LIMCH1: variants seen among roughly 807,000 people sequenced by gnomAD.
LIMCH1 encodes LIM and calponin homology domains 1.
A neutral mutation model predicts 176.5 loss-of-function variants in LIMCH1; 113 were observed. The ratio of observed to expected loss-of-function variants is 0.64; its 90% confidence interval spans 0.55 to 0.75. LIMCH1 has a LOEUF of 0.75. LIMCH1 is among the 30% of genes least tolerant of loss of function. LIMCH1 has a pLI of 0.00. For missense variants in LIMCH1, 1,674 were observed against 1,814.9 expected, an observed-to-expected ratio of 0.92 and a Z score of 1.41; for synonymous variants, 619 against 645.9, an observed-to-expected ratio of 0.96 and a Z score of 0.63.
At position 41,698,301 on chromosome 4, in the gene LIMCH1, A is replaced by G. The variant is rs1255404742; in HGVS notation, c.*1116A>G. On this transcript the variant is annotated 3_prime_UTR_variant, in exon 32 of 32. Transcript: ENST00000503057. ...GCACAGATTATGCCCTGCCCACTTC[A>G]ATGAATACCTACTCTCCTCCATTCT... 1 of 152,244 alleles carries G rather than the reference A, an allele frequency of 6.6e-6. No homozygotes were observed. Among genetic ancestry groups the G allele is most frequent in the South Asian group, 2.1e-4 (1 of 4,826 alleles). The allele number at this position is 152,244 out of a possible 1,614,324, so 9.4% of individuals were successfully genotyped here. A position where few individuals can be genotyped will look rare whatever the true frequency, so the allele number is the denominator to read the frequency against.
upstream of LIMCH1, among the ~76,000 whole-genome samples, chr4:41,536,125 C>T (rs947124643): frequency 1.3e-5 from 2 of 152,138 alleles, no homozygotes; most frequent in East Asian, 3.8e-4. Context: ...ATAGTTATAG[C>T]TTACCTAGAG....
At chr4:41,384,291 G>A (rs369665111) in intron 1 of LIMCH1, among the ~76,000 whole-genome samples, 1 of 151,530 alleles carries the variant, frequency 6.6e-6, no homozygotes, top group African/African-American at 2.4e-5. Context: ...TACAAGCTCC[G>A]TCTCCTGGGT....
chr4:41,622,718 A>G (rs1201230665), intron 7 of LIMCH1, among the ~76,000 whole-genome samples: 1 of 152,214 alleles, frequency 6.6e-6, no homozygotes, highest in African/African-American at 2.4e-5. Flanking sequence ...TTAAAAATGT[A>G]ATTCTAATGA....
intron 31 of LIMCH1, chr4:41,693,018 A>C (rs1031919991): frequency 5.3e-5 from 8 of 152,226 alleles, no homozygotes; most frequent in Non-Finnish European, 8.8e-5. Context: ...CGGGCCTCCT[A>C]CTGTGGAAGG....
chr4:41,665,219 G>A (rs1417477120), intron 20 of LIMCH1, among the ~76,000 whole-genome samples: 6 of 152,108 alleles, frequency 3.9e-5, no homozygotes, highest in African/African-American at 4.8e-5. Flanking sequence ...ATGCTTACAG[G>A]CTTACCTTTT....
chr4:41,408,548 T>C (rs2059195206), intron 1 of LIMCH1, among the ~76,000 whole-genome samples: 1 of 152,164 alleles, frequency 6.6e-6, no homozygotes, highest in Non-Finnish European at 1.5e-5. Flanking sequence ...AATATGCATA[T>C]GTATTCCCAT....
intron 1 of LIMCH1, among the ~76,000 whole-genome samples, chr4:41,410,511 C>G (rs1180914023): frequency 1.3e-5 from 2 of 152,142 alleles, no homozygotes; most frequent in Non-Finnish European, 2.9e-5. Context: ...CTTTGCTCTC[C>G]CCTAAAGGAT....
At chr4:41,452,930 C>T (rs541758484) in intron 1 of LIMCH1, among the ~76,000 whole-genome samples, 5 of 152,296 alleles carry the variant, frequency 3.3e-5, no homozygotes, top group African/African-American at 1.2e-4. Context: ...GCAGCACCCA[C>T]GGTACCGGTG....
intron 1 of LIMCH1, among the ~76,000 whole-genome samples, chr4:41,412,722 A>T (rs1190035184): frequency 6.6e-6 from 1 of 152,134 alleles, no homozygotes; most frequent in East Asian, 1.9e-4. Context: ...GACTCTGGGG[A>T]AGTGAGGACA....
chr4:41,669,462 G>A (rs1278513234), intron 21 of LIMCH1, among the ~76,000 whole-genome samples: 4 of 152,110 alleles, frequency 2.6e-5, no homozygotes, highest in Admixed American at 6.5e-5. Flanking sequence ...AACCCTGTGT[G>A]CCAGGGTCCC....
intron 1 of LIMCH1, among the ~76,000 whole-genome samples, chr4:41,486,839 T>C (rs959640132): frequency 3.3e-5 from 5 of 151,844 alleles, no homozygotes; most frequent in African/African-American, 4.8e-5. Context: ...TGGAGTGCAG[T>C]GGTGTGATCT....
chr4:41,485,419 C>A (rs967861358), intron 1 of LIMCH1, among the ~76,000 whole-genome samples: 2 of 151,984 alleles, frequency 1.3e-5, no homozygotes, highest in Non-Finnish European at 2.9e-5. Context: ...TCTTCGTGTC[C>A]CTCCAAGAAA....
At chr4:41,592,366 C>G (rs911094615) in intron 1 of LIMCH1, among the ~76,000 whole-genome samples, 3 of 152,180 alleles carry the variant, frequency 2.0e-5, no homozygotes, top group African/African-American at 7.2e-5. Flanking sequence ...TCCAAATGAA[C>G]TTTTGGTATG....
At chr4:41,646,055 T>G (rs570872125) in intron 15 of LIMCH1, 68 bp from the exon 16 acceptor site, 1 of 1,493,926 alleles carries the variant, frequency 6.7e-7, no homozygotes, top group Admixed American at 2.1e-5. Context: ...ATGACTAAAC[T>G]CTGAAGAATA....
chr4:41,689,656 T>C, intron 30 of LIMCH1, 21 bp downstream of exon 30: 1 of 1,396,578 alleles, frequency 7.2e-7, no homozygotes, highest in Non-Finnish European at 1.0e-6. Flanking sequence ...ACTGCTTTGC[T>C]CTCCAGACAC....
chr4:41,552,002 C>T (rs926419574), intron 1 of LIMCH1, among the ~76,000 whole-genome samples: 3 of 152,172 alleles, frequency 2.0e-5, no homozygotes, highest in Non-Finnish European at 4.4e-5. Flanking sequence ...CGAACAGTTC[C>T]GCATGGCTGG....
chr4:41,464,151 C>T (rs1439525055), intron 1 of LIMCH1, among the ~76,000 whole-genome samples: 2 of 151,544 alleles, frequency 1.3e-5, no homozygotes, highest in African/African-American at 2.4e-5. Context: ...TTGTCCCACC[C>T]ACATCTCTAG....
At chr4:41,449,724 G>A (rs1318189401) in intron 1 of LIMCH1, among the ~76,000 whole-genome samples, 2 of 152,188 alleles carry the variant, frequency 1.3e-5, no homozygotes, top group African/African-American at 4.8e-5. Context: ...AAACATTAAA[G>A]CTTATTGATT....
At position 41,512,498 on chromosome 4, in the gene LIMCH1, C is replaced by T. The variant is rs555709903; in HGVS notation, c.168-11911C>T. ...TCATAATAGCCAAAAGGTGGAAACA[C>T]CCAAATGTCCACAGAGTGATGAATG... On this transcript the variant is annotated intron_variant, in intron 2 of 26. Coordinates refer to the LIMCH1 transcript ENST00000313860. Among the ~76,000 whole-genome samples, 3 of 152,262 alleles carry T rather than the reference C, an allele frequency of 2.0e-5. No individual in the cohort carries two copies. The South Asian group carries it at 6.2e-4, about 32-fold the overall frequency.
Sources: allele counts gnomAD v4.1 joint callset (sites outside exome capture counted in the v4.1 genomes callset), GRCh38; gene constraint gnomAD v4.1.1; transcripts MANE v1.5; gene names NCBI Gene and HGNC (gene_info 2026-07-23, HGNC 2026-07-21).